The following DYNC1I1 variants were observed in gnomAD, a reference collection of about 807,000 sequenced individuals.
DYNC1I1 encodes the protein dynein cytoplasmic 1 intermediate chain 1, also known as cytoplasmic dynein 1 intermediate chain 1.
DYNC1I1 carries 43 observed loss-of-function variants against 86.6 expected under a neutral mutation model. The ratio of observed to expected loss-of-function variants is 0.50; its 90% CI spans 0.39 to 0.64. The LOEUF is 0.64. Ranked by LOEUF, DYNC1I1 falls within the 30% of genes least tolerant of loss-of-function variation. The pLI is 0.00. For synonymous variants in DYNC1I1, 262 were observed against 283.7 expected (o/e 0.92, Z 0.77); for missense variants, 604 against 788.8 (o/e 0.77, Z 2.81).
intron 5 of DYNC1I1, among the ~76,000 whole-genome samples, chr7:95,868,090 T>C (rs1790061389): frequency 6.6e-6 from 1 of 152,216 alleles, no homozygotes; most frequent in African/African-American, 2.4e-5. Context: ...GTTTGTCACT[T>C]GTGCAAAGCT....
At chr7:95,912,416 C>T (rs973831083) in intron 6 of DYNC1I1, among the ~76,000 whole-genome samples, 11 of 152,130 alleles carry the variant, frequency 7.2e-5, no homozygotes, top group Admixed American at 7.2e-4. Flanking sequence ...GTTCTGTTCT[C>T]CGTGGTATGA....
chr7:96,039,371 CT>C lies in DYNC1I1; in HGVS notation c.1460del (p.Leu487ArgfsTer78). 1 of 1,614,080 alleles carries C rather than the reference CT, an allele frequency of 6.2e-7. No homozygotes were observed. Among genetic ancestry groups the C allele is most frequent in the Non-Finnish European group, 8.5e-7 (1 of 1,179,968 alleles). On this transcript the variant is annotated frameshift_variant, in exon 14 of 17. Coordinates refer to ENST00000447467, the MANE Select transcript of DYNC1I1 (RefSeq NM_001135556.2). LOFTEE classifies it high-confidence loss of function. ...MAVGPIDFSH[L>X]FVTSSFDWTV... ...AGTGGGCCCAATCGACTTTTCTCAC[CT>C]GTTTGTCACATCATCATTTGACTGG...
chr7:95,838,151 G>A (rs1789169748), intron 5 of DYNC1I1, among the ~76,000 whole-genome samples: 1 of 152,168 alleles, frequency 6.6e-6, no homozygotes, highest in Admixed American at 6.5e-5. Context: ...TCTTTTAGGA[G>A]TTGTATAGTT....
At chr7:95,814,615 G>C (rs561397078) in intron 4 of DYNC1I1, among the ~76,000 whole-genome samples, 2 of 152,276 alleles carry the variant, frequency 1.3e-5, no homozygotes, top group Admixed American at 1.3e-4. Flanking sequence ...GGTAGCTGAA[G>C]ATCTGGACAT....
chr7:96,084,047 A>AT (rs746881689), intron 16 of DYNC1I1, among the ~76,000 whole-genome samples: 8 of 151,166 alleles, frequency 5.3e-5, no homozygotes, highest in Admixed American at 2.6e-4. Context: ...ATTTGAGGAG[A>AT]TTTTTTTTTA....
At chr7:95,968,057 T>C (rs1294397132) in intron 6 of DYNC1I1, among the ~76,000 whole-genome samples, 4 of 152,038 alleles carry the variant, frequency 2.6e-5, no homozygotes, top group African/African-American at 4.8e-5. Context: ...CACCAGGAAA[T>C]TGATATGAAC....
chr7:95,837,389 T>C (rs1364304084), intron 5 of DYNC1I1, among the ~76,000 whole-genome samples: 14 of 152,100 alleles, frequency 9.2e-5, no homozygotes, highest in South Asian at 4.2e-4. Context: ...GACAGGGACA[T>C]TTAAGTCTGC....
At chr7:95,998,508 TCTATC>T (rs2115773395) in intron 10 of DYNC1I1, among the ~76,000 whole-genome samples, 1 of 152,368 alleles carries the variant, frequency 6.6e-6, no homozygotes, top group South Asian at 2.1e-4. Context: ...TAACTTTTCT[TCTATC>T]CTATCTGATC....
chr7:95,834,980 G>T (rs1364485424), intron 5 of DYNC1I1, among the ~76,000 whole-genome samples: 1 of 143,046 alleles, frequency 7.0e-6, no homozygotes. Context: ...CTTCAGTTCT[G>T]CTCTGATTTT....
intron 16 of DYNC1I1, among the ~76,000 whole-genome samples, chr7:96,093,319 G>A (rs903613675): frequency 5.3e-5 from 8 of 152,148 alleles, no homozygotes; most frequent in African/African-American, 9.7e-5. Flanking sequence ...GAGGCAGTGA[G>A]AGGGTAAGTG....
At chr7:95,889,033 T>A (rs1041002896) in intron 6 of DYNC1I1, among the ~76,000 whole-genome samples, 26 of 152,152 alleles carry the variant, frequency 1.7e-4, no homozygotes, top group African/African-American at 6.3e-4. Flanking sequence ...GCAATTGGGG[T>A]TTGACCTGAA....
intron 6 of DYNC1I1, among the ~76,000 whole-genome samples, chr7:95,956,107 T>C (rs959867087): frequency 2.0e-5 from 3 of 152,218 alleles, no homozygotes; most frequent in African/African-American, 7.2e-5. Flanking sequence ...TGTGATGTGA[T>C]TGACAGTCTA....
At chr7:95,846,625 C>G (rs13220957) in intron 5 of DYNC1I1, among the ~76,000 whole-genome samples, 87,789 of 132,402 alleles carry the variant, frequency 0.66, 29,112 homozygotes, top group East Asian at 0.83. Flanking sequence ...AAATCTCTCT[C>G]TCTGTGTGTG....
intron 10 of DYNC1I1, among the ~76,000 whole-genome samples, chr7:96,016,198 T>C (rs2237591): frequency 0.16 from 24,434 of 152,118 alleles, 2,173 homozygotes; most frequent in South Asian, 0.31. Context: ...TCTTGCTAAA[T>C]TTAGAATGAT....
intron 10 of DYNC1I1, among the ~76,000 whole-genome samples, chr7:96,018,949 C>T (rs932590506): frequency 2.6e-5 from 4 of 152,240 alleles, no homozygotes; most frequent in Admixed American, 2.0e-4. Context: ...ATATGAAGCA[C>T]CTAGATGTGT....
chr7:95,986,243 G>A (rs1404138279), intron 8 of DYNC1I1, among the ~76,000 whole-genome samples: 2 of 152,188 alleles, frequency 1.3e-5, no homozygotes, highest in Admixed American at 1.3e-4. Context: ...ATGAACAGAG[G>A]AAAGGTGGGT....
At chr7:95,969,223 A>G (rs1213400607) in intron 6 of DYNC1I1, among the ~76,000 whole-genome samples, 1 of 152,180 alleles carries the variant, frequency 6.6e-6, no homozygotes, top group Non-Finnish European at 1.5e-5. Context: ...TTTCTGAGAA[A>G]TCTTGGATAA....
intron 6 of DYNC1I1, among the ~76,000 whole-genome samples, chr7:95,872,296 T>G (rs1790193714): frequency 6.6e-6 from 1 of 152,212 alleles, no homozygotes; most frequent in Admixed American, 6.5e-5. Flanking sequence ...GTGGCTAACA[T>G]TTGAAGCTCT....
intron 1 of DYNC1I1, among the ~76,000 whole-genome samples, chr7:95,788,174 C>G (rs558196656): frequency 6.6e-6 from 1 of 152,246 alleles, no homozygotes; most frequent in Admixed American, 6.5e-5. Context: ...ATTACTATAG[C>G]AGCTGTGTGG....
Sources: gnomAD v4.1 joint callset for allele counts (sites outside exome capture counted in the v4.1 genomes callset) on GRCh38, gnomAD v4.1.1 for gene constraint, MANE v1.5 for transcripts, NCBI Gene and HGNC (gene_info 2026-07-23, HGNC 2026-07-21) for gene names.